The following NDE1 variants were observed in gnomAD, a reference collection of about 807,000 sequenced individuals.
NDE1 encodes the protein nuclear distribution protein nudE homolog 1.
In NDE1, 28 loss-of-function variants were observed where a neutral mutation model predicts 43.4. The observed-to-expected ratio is 0.65, with a 90% confidence interval of 0.48 to 0.89. NDE1 has a LOEUF of 0.89. Among genes scored for constraint, NDE1 ranks in the 40% least tolerant of loss-of-function variants. NDE1 has a pLI of 0.00. For missense variants in NDE1, 441 were observed against 434.1 expected (o/e 1.02, Z -0.14); for synonymous variants, 184 against 172.0 (o/e 1.07, Z -0.55).
At chr16:15,680,028 C>T (rs2038093047) in intron 4 of NDE1, among the ~76,000 whole-genome samples, 1 of 152,174 alleles carries the variant, frequency 6.6e-6, no homozygotes, top group Non-Finnish European at 1.5e-5. Context: ...ATCTGCCTGC[C>T]TCGGTCTCCG....
chr16:15,682,495 CCTT>C (rs1463752413), intron 4 of NDE1, among the ~76,000 whole-genome samples: 24 of 152,304 alleles, frequency 1.6e-4, no homozygotes, highest in Middle Eastern at 3.4e-3. Flanking sequence ...CTCTCATGGT[CCTT>C]CTTCTATACG....
chr16:15,718,138 A>G (rs2040265836), intron 8 of NDE1: 1 of 970,938 alleles, frequency 1.0e-6, no homozygotes, highest in East Asian at 2.6e-5. Flanking sequence ...TTCTGAAGAC[A>G]GCAGCCTGGG....
intron 8 of NDE1, among the ~76,000 whole-genome samples, chr16:15,720,576 T>C (rs1489123075): frequency 6.6e-6 from 1 of 150,928 alleles, no homozygotes; most frequent in Non-Finnish European, 1.5e-5. Flanking sequence ...TGGTGAAACC[T>C]TGTCTCCACT....
intron 8 of NDE1, chr16:15,719,160 G>C: frequency 1.3e-6 from 2 of 1,507,958 alleles, no homozygotes. Context: ...GGGGGTCGAG[G>C]ATGCTGCCTG....
rs780145425 is a variant in NDE1 at position 15,719,211 on chromosome 16, G to A, written c.948-4980G>A. ...CTTCAGAGCCCTCTTCCTCCATTCA[G>A]TTTCCTACCTTCCCGACAGGCTACT... On this transcript the variant is annotated intron_variant, in intron 8 of 8. Coordinates refer to ENST00000396354, the MANE Select transcript of NDE1 (RefSeq NM_017668.3). 28 of 1,613,138 alleles carry A rather than the reference G, an allele frequency of 1.7e-5. No individual in the cohort carries two copies. Among genetic ancestry groups the A allele is most frequent in the South Asian group, 3.3e-5 (3 of 91,076 alleles).
chr16:15,705,113 G>C (rs1003601353), intron 8 of NDE1, among the ~76,000 whole-genome samples: 2 of 152,040 alleles, frequency 1.3e-5, no homozygotes, highest in African/African-American at 4.8e-5. Flanking sequence ...GAGTAGCTGG[G>C]ACTACATGCA....
intron 8 of NDE1, among the ~76,000 whole-genome samples, chr16:15,708,220 G>C (rs955378497): frequency 1.8e-4 from 27 of 152,294 alleles, no homozygotes; most frequent in African/African-American, 5.8e-4. Context: ...GCATTTGTCA[G>C]ACATCGCAGT....
upstream of NDE1, among the ~76,000 whole-genome samples, chr16:15,645,589 C>G (rs1251336601): frequency 6.6e-6 from 1 of 152,198 alleles, no homozygotes; most frequent in African/African-American, 2.4e-5. Flanking sequence ...GGAGCCTAAG[C>G]AAAGTATACC....
At chr16:15,695,343 A>C (rs1279417164) in intron 7 of NDE1, among the ~76,000 whole-genome samples, 1 of 150,504 alleles carries the variant, frequency 6.6e-6, no homozygotes, top group East Asian at 2.0e-4. Context: ...CCCCATCTCT[A>C]CTAAAAATAC....
At chr16:15,687,958 T>A (rs920998057) in intron 5 of NDE1, among the ~76,000 whole-genome samples, 2 of 151,670 alleles carry the variant, frequency 1.3e-5, no homozygotes, top group Non-Finnish European at 1.5e-5. Context: ...GAGGATCTCT[T>A]GAGCCCAGGA....
At position 15,724,368 on chromosome 16, in the gene NDE1, G is replaced by A. The variant is rs112377790; in HGVS notation, c.*117G>A. On this transcript the variant is annotated 3_prime_UTR_variant, in exon 9 of 9. Coordinates refer to ENST00000396354, the MANE Select transcript of NDE1 (RefSeq NM_017668.3). Reference sequence around the variant, plus strand: ...TCTTCCCCTCTTCCAGAGCTTCCACGGTGCTGGCAAAGTCCTGCAGCTTCT... The same window carrying A: ...TCTTCCCCTCTTCCAGAGCTTCCACAGTGCTGGCAAAGTCCTGCAGCTTCT... 17,690 of 1,614,090 alleles carry A rather than the reference G, an allele frequency of 0.011. 131 individuals carry two copies. Among genetic ancestry groups the A allele is most frequent in the Non-Finnish European group, 0.013 (15,139 of 1,180,014 alleles).
intron 1 of NDE1, among the ~76,000 whole-genome samples, chr16:15,660,365 C>G (rs575666379): frequency 6.6e-6 from 1 of 152,050 alleles, no homozygotes; most frequent in East Asian, 1.9e-4. Context: ...CCCAGCTAGT[C>G]AGGAGGCTGA....
At chr16:15,704,155 A>T in intron 8 of NDE1, 1 of 1,613,004 alleles carries the variant, frequency 6.2e-7, no homozygotes, top group Non-Finnish European at 8.5e-7. Flanking sequence ...ATTATTTAGC[A>T]AAGAAATCTT....
At chr16:15,658,402 C>T (rs1489973956) in intron 1 of NDE1, among the ~76,000 whole-genome samples, 2 of 152,266 alleles carry the variant, frequency 1.3e-5, no homozygotes, top group East Asian at 1.9e-4. Flanking sequence ...ATTGGCTCTG[C>T]GTGAATTAGG....
At chr16:15,687,162 G>T (rs745679044) in intron 4 of NDE1, 4 of 1,465,544 alleles carry the variant, frequency 2.7e-6, no homozygotes, top group Non-Finnish European at 1.8e-6. Context: ...TGACAGCCTC[G>T]TGCACCCCAT....
intron 3 of NDE1, among the ~76,000 whole-genome samples, chr16:15,671,837 C>T (rs549575811): frequency 6.6e-6 from 1 of 151,988 alleles, no homozygotes; most frequent in Non-Finnish European, 1.5e-5. Flanking sequence ...ATTACAGGCA[C>T]CTGCCACACC....
intron 5 of NDE1, among the ~76,000 whole-genome samples, chr16:15,689,918 AAG>A (rs1431488123): frequency 4.8e-5 from 7 of 145,622 alleles, no homozygotes; most frequent in South Asian, 2.3e-4. Flanking sequence ...AAGCCCGGGC[AAG>A]AGAGTGAAAC....
At chr16:15,678,509 C>T (rs535487709) in intron 4 of NDE1, among the ~76,000 whole-genome samples, 2 of 152,212 alleles carry the variant, frequency 1.3e-5, no homozygotes, top group Admixed American at 6.5e-5. Context: ...GAATTACAGG[C>T]ACGTGCCACC....
At chr16:15,664,243 A>G (rs1442919057) in intron 1 of NDE1, among the ~76,000 whole-genome samples, 1 of 152,106 alleles carries the variant, frequency 6.6e-6, no homozygotes, top group Non-Finnish European at 1.5e-5. Context: ...AGGGATATCC[A>G]TGAGCCTTGA....
Sources: allele counts gnomAD v4.1 joint callset (sites outside exome capture counted in the v4.1 genomes callset), GRCh38; gene constraint gnomAD v4.1.1; transcripts MANE v1.5; gene names NCBI Gene and HGNC (gene_info 2026-07-23, HGNC 2026-07-21).